Variants in PAK5 observed in about 807,000 individuals in gnomAD.
PAK5 encodes serine/threonine-protein kinase PAK 5.
PAK5 carries 16 observed loss-of-function variants against 65.9 expected under a neutral mutation model. That is an observed-to-expected ratio of 0.24 (90% CI 0.16 to 0.37). PAK5 has a LOEUF of 0.37. Among genes scored for constraint, PAK5 ranks in the 10% least tolerant of loss-of-function variants. The pLI, the probability that PAK5 is intolerant of heterozygous loss-of-function variation, is 1.00. For synonymous variants in PAK5, 371 were observed against 354.9 expected (o/e 1.05, Z -0.51); for missense variants, 785 against 903.9 (o/e 0.87, Z 1.69).
intron 1 of PAK5, among the ~76,000 whole-genome samples, chr20:9,750,845 C>T (rs2048568171): frequency 6.6e-6 from 1 of 152,066 alleles, no homozygotes; most frequent in Non-Finnish European, 1.5e-5. Flanking sequence ...ATTGATACCA[C>T]CTCCACCAAT....
At chr20:9,823,328 T>C (rs947918492) in intron 1 of PAK5, among the ~76,000 whole-genome samples, 2 of 152,196 alleles carry the variant, frequency 1.3e-5, no homozygotes, top group African/African-American at 4.8e-5. Flanking sequence ...CAGTCTAATG[T>C]ATTTTGTTAT....
At chr20:9,688,363 C>T (rs1488980450) in intron 2 of PAK5, among the ~76,000 whole-genome samples, 1 of 151,954 alleles carries the variant, frequency 6.6e-6, no homozygotes, top group African/African-American at 2.4e-5. Flanking sequence ...TCTCTTTAAA[C>T]TCGAGCGGCT....
At chr20:9,807,803 C>T (rs879503435) in intron 1 of PAK5, among the ~76,000 whole-genome samples, 2 of 100,402 alleles carry the variant, frequency 2.0e-5, no homozygotes, top group Non-Finnish European at 4.5e-5. Flanking sequence ...TCCAGTGCAA[C>T]CCTGCCTTCT....
chr20:9,539,568 G>A lies in PAK5; in HGVS notation c.2054C>T (p.Pro685Leu). Residue 685 changes from proline to leucine, a missense_variant, in exon 10 of 10, where the codon CCC becomes CTC. By Grantham distance (98) the Pro-to-Leu change is moderately conservative. Coordinates refer to ENST00000353224, the MANE Select transcript of PAK5 (RefSeq NM_177990.4). The part of the protein sequence containing the change: ...GFLDLMLVRE[P>L]SQRATAQELL... ...TTCCTGGGCTGTTGCTCTCTGAGAG[G>A]GCTCCCTCACCAACATCAAGTCTAG... The A allele has an allele frequency of 6.2e-7, 1 of 1,613,436 alleles. No individual in the cohort carries two copies. Among genetic ancestry groups the A allele is most frequent in the Non-Finnish European group, 8.5e-7 (1 of 1,179,794 alleles).
intron 1 of PAK5, among the ~76,000 whole-genome samples, chr20:9,774,717 G>A (rs564001229): frequency 2.6e-5 from 4 of 152,186 alleles, no homozygotes. Flanking sequence ...ACCAAGGTGG[G>A]CAGATCACGA....
At chr20:9,807,915 G>T (rs1243057889) in intron 1 of PAK5, among the ~76,000 whole-genome samples, 3 of 152,196 alleles carry the variant, frequency 2.0e-5, no homozygotes, top group Admixed American at 2.0e-4. Flanking sequence ...GTTAGCACAT[G>T]CAGGAGAGTT....
intron 2 of PAK5, among the ~76,000 whole-genome samples, chr20:9,664,436 G>T (rs1417551590): frequency 6.6e-6 from 1 of 152,112 alleles, no homozygotes; most frequent in Non-Finnish European, 1.5e-5. Flanking sequence ...TAGCTGTTTT[G>T]GGAATCAGGA....
intron 3 of PAK5, among the ~76,000 whole-genome samples, chr20:9,629,211 G>A (rs1432168787): frequency 6.6e-6 from 1 of 152,148 alleles, no homozygotes; most frequent in Non-Finnish European, 1.5e-5. Flanking sequence ...CCAGACTCCT[G>A]ACCCATAGAA....
At chr20:9,814,501 T>C (rs1385418780) in intron 1 of PAK5, among the ~76,000 whole-genome samples, 2 of 152,098 alleles carry the variant, frequency 1.3e-5, no homozygotes, top group African/African-American at 4.8e-5. Context: ...TAGGAATCAC[T>C]GAGAAAGAAA....
intron 1 of PAK5, among the ~76,000 whole-genome samples, chr20:9,745,306 T>G (rs576188032): frequency 7.1e-6 from 1 of 141,816 alleles, no homozygotes; most frequent in South Asian, 2.2e-4. Context: ...TGACACCACA[T>G]CAAAAAGCAA....
chr20:9,682,736 T>C (rs2047667015), intron 2 of PAK5, among the ~76,000 whole-genome samples: 1 of 152,222 alleles, frequency 6.6e-6, no homozygotes, highest in Non-Finnish European at 1.5e-5. Context: ...CTTTATGTTC[T>C]TAAATAGGTG....
intron 2 of PAK5, among the ~76,000 whole-genome samples, chr20:9,667,301 T>C (rs1246401022): frequency 6.6e-6 from 1 of 151,886 alleles, no homozygotes; most frequent in Non-Finnish European, 1.5e-5. Flanking sequence ...AGAGTATAAT[T>C]CTCCTCCTCT....
chr20:9,618,387 C>A (rs958050317), intron 3 of PAK5, among the ~76,000 whole-genome samples: 1 of 150,138 alleles, frequency 6.7e-6, no homozygotes, highest in Non-Finnish European at 1.5e-5. Flanking sequence ...ACAGGACAGA[C>A]TATTACGGCC....
intron 2 of PAK5, among the ~76,000 whole-genome samples, chr20:9,645,139 G>A (rs10485734): frequency 0.21 from 32,544 of 152,088 alleles, 3,654 homozygotes; most frequent in South Asian, 0.37. Flanking sequence ...ATACAAGAAA[G>A]TTGACTGATA....
At chr20:9,751,908 C>T (rs1314265076) in intron 1 of PAK5, among the ~76,000 whole-genome samples, 1 of 152,164 alleles carries the variant, frequency 6.6e-6, no homozygotes, top group Non-Finnish European at 1.5e-5. Flanking sequence ...CAAACATTTA[C>T]TTAGCAACTA....
intron 8 of PAK5, 130 bp downstream of exon 8, chr20:9,544,239 A>C: frequency 1.0e-6 from 1 of 987,260 alleles, no homozygotes; most frequent in Non-Finnish European, 1.5e-6. Flanking sequence ...TGCCTCATCT[A>C]GTGAGTGGGG....
intron 1 of PAK5, among the ~76,000 whole-genome samples, chr20:9,776,243 G>A (rs1265296044): frequency 6.6e-6 from 1 of 152,144 alleles, no homozygotes; most frequent in Non-Finnish European, 1.5e-5. Context: ...GGTAGAGTCA[G>A]AATTTCATAC....
At chr20:9,606,190 C>A (rs1286690108) in intron 3 of PAK5, among the ~76,000 whole-genome samples, 1 of 152,110 alleles carries the variant, frequency 6.6e-6, no homozygotes. Context: ...TGAGTGAGTT[C>A]TCACAAGATC....
chr20:9,546,789 CAGT>C (rs1205122821), intron 7 of PAK5, among the ~76,000 whole-genome samples: 9 of 152,124 alleles, frequency 5.9e-5, no homozygotes, highest in African/African-American at 2.2e-4. Context: ...CAGGTTGAGT[CAGT>C]GGTGGAATAC....
Sources: gnomAD v4.1 joint callset for allele counts (sites outside exome capture counted in the v4.1 genomes callset) on GRCh38, gnomAD v4.1.1 for gene constraint, MANE v1.5 for transcripts, NCBI Gene and HGNC (gene_info 2026-07-23, HGNC 2026-07-21) for gene names.